Variants in PI16 observed in about 807,000 individuals in gnomAD.
PI16 encodes PSP94-binding protein.
In PI16, 35 loss-of-function variants were observed where a neutral mutation model predicts 38.0. The observed-to-expected ratio is 0.92, with a 90% CI of 0.70 to 1.22. PI16 has a LOEUF of 1.22. PI16 is among the 50% of genes most tolerant of loss of function. PI16 has a pLI of 0.00. For synonymous variants in PI16, 275 were observed against 252.9 expected, an observed-to-expected ratio of 1.09 and a Z score of -0.83; for missense variants, 572 against 593.8, an observed-to-expected ratio of 0.96 and a Z score of 0.38.
At chr6:36,960,029 A>G (rs1014137159) in intron 2 of PI16, among the ~76,000 whole-genome samples, 3 of 152,192 alleles carry the variant, frequency 2.0e-5, no homozygotes, top group Admixed American at 6.5e-5. Context: ...TCCCCCAGAT[A>G]GTGCAGAGCT....
chr6:36,954,554 G>T, upstream of PI16: 1 of 654,586 alleles, frequency 1.5e-6, no homozygotes, highest in Non-Finnish European at 2.4e-6. Context: ...GAGAAAGGAG[G>T]TTTTTGCCAA....
At chr6:36,960,014 T>C (rs78699313) in intron 2 of PI16, among the ~76,000 whole-genome samples, 8,211 of 152,200 alleles carry the variant, frequency 0.054, 738 homozygotes, top group African/African-American at 0.18. Flanking sequence ...TGATCCTGCC[T>C]CACTTCCCCC....
At chr6:36,954,226 C>A (rs151003368), upstream of PI16, among the ~76,000 whole-genome samples, 1 of 152,240 alleles carries the variant, frequency 6.6e-6, no homozygotes, top group Non-Finnish European at 1.5e-5. Flanking sequence ...ATTATTGTCA[C>A]TGATTCACTT....
intron 1 of PI16, among the ~76,000 whole-genome samples, chr6:36,955,692 C>T (rs1763185391): frequency 6.6e-6 from 1 of 152,102 alleles, no homozygotes; most frequent in Non-Finnish European, 1.5e-5. Flanking sequence ...AGTCTGAAAA[C>T]ATGTAAAAAT....
upstream of PI16, among the ~76,000 whole-genome samples, chr6:36,950,469 G>A (rs1367295230): frequency 1.3e-5 from 2 of 151,704 alleles, no homozygotes; most frequent in African/African-American, 4.8e-5. The surrounding 1 kb of genome is among the most constrained non-coding windows in gnomAD (Gnocchi z 4.2). Context: ...TGAACATTTG[G>A]GTTGTTTCCA....
intron 2 of PI16, among the ~76,000 whole-genome samples, chr6:36,960,283 T>G (rs912145295): frequency 2.0e-5 from 3 of 151,816 alleles, no homozygotes; most frequent in Non-Finnish European, 4.4e-5. Context: ...TGCTCCTGTC[T>G]GGGTTCTCAC....
Position 36,963,905 on chromosome 6 carries a change from A to G in PI16, c.1353A>G (p.Leu451=), listed in dbSNP as rs1479461780. The stretch of plus-strand genomic sequence containing the variant: ...ATGTGTGGGGCCCTCTCCTGGGACT[A>G]CTGCTCCTGCCTCCTCTGGTGTTGG... The part of the protein sequence containing the change: ...PGHVWGPLLG[L]LLLPPLVLAG... The change falls in exon 6 of 7, where the codon CTA becomes CTG. Residue 451 remains leucine, a synonymous_variant. Coordinates refer to ENST00000373674, the MANE Select transcript of PI16 (RefSeq NM_153370.3). 6.2e-7 allele frequency: 1 copy of G among 1,613,578 alleles called. No homozygotes were observed. Among genetic ancestry groups the G allele is most frequent in the Non-Finnish European group, 8.5e-7 (1 of 1,179,874 alleles).
rs1009257297 is a variant in PI16 at position 36,958,232 on chromosome 6, C to T, written c.172-913C>T. 4.6e-5 allele frequency among the ~76,000 whole-genome samples: 7 copies of T among 152,210 alleles called. No individual in the cohort carries two copies. The South Asian group carries it at 6.2e-4, about 14-fold the overall frequency. ...CCTCATAGGGTGGAGCAAGAGCTGC[C>T]GCCAGGCCATGGATTTCCAGGAGAA... On this transcript the variant is annotated intron_variant, in intron 1 of 6. Coordinates refer to ENST00000373674, the MANE Select transcript of PI16 (RefSeq NM_153370.3).
In PI16 at chr6:36,959,378, G is replaced by A; in HGVS notation, c.393+12G>A. 1 of 1,541,780 alleles carries A rather than the reference G, an allele frequency of 6.5e-7. No homozygotes were observed. Among genetic ancestry groups the A allele is most frequent in the Non-Finnish European group, 8.7e-7 (1 of 1,143,480 alleles). On this transcript the variant is annotated intron_variant, in intron 2 of 6. Transcript: ENST00000373674. ...GCCACTACACGCAGGTGTGGGCCCG[G>A]CGGGCGAGGCGGGGCGGAGCCTCGC...
In PI16 at chr6:36,961,907, G is replaced by A; in HGVS notation, c.525G>A (p.Arg175=). ...GTAGGGGGAACGTGAAGGGGAAACG[G>A]CCCTACCAGGAGGGGACTCCGTGCT... is the stretch of plus-strand genomic sequence containing the variant. The part of the protein sequence containing the change: ...YEPPGNVKGK[R]PYQEGTPCSQ... The change falls in exon 4 of 7, where the codon CGG becomes CGA. Residue 175 remains arginine (R), a synonymous_variant. Coordinates refer to ENST00000373674, the MANE Select transcript of PI16 (RefSeq NM_153370.3). 1.2e-6 allele frequency: 2 copies of A among 1,614,108 alleles called. No individual in the cohort carries two copies. The highest frequency in any genetic ancestry group is 8.5e-7 in the Non-Finnish European group (1 of 1,179,998).
At chr6:36,948,708 CTT>C (rs1405848066) in intron 1 of PI16, among the ~76,000 whole-genome samples, 1 of 128,884 alleles carries the variant, frequency 7.8e-6, no homozygotes, top group Non-Finnish European at 1.6e-5. Context: ...TACTGTCTCC[CTT>C]TCTCTCTCGC....
At chr6:36,953,142 C>A (rs1215174349), upstream of PI16, among the ~76,000 whole-genome samples, 1 of 152,034 alleles carries the variant, frequency 6.6e-6, no homozygotes, top group Admixed American at 6.6e-5. Context: ...CATGGTGAAA[C>A]CCCATCTCTA....
At chr6:36,959,027 A>G (rs551061769) in intron 1 of PI16, 118 bp from the exon 2 acceptor site, 3 of 899,012 alleles carry the variant, frequency 3.3e-6, no homozygotes, top group Admixed American at 2.5e-5. Flanking sequence ...GGCCATGCCC[A>G]AGAGTCACCC....
chr6:36,958,663 G>A (rs1763266894), intron 1 of PI16, among the ~76,000 whole-genome samples: 1 of 152,114 alleles, frequency 6.6e-6, no homozygotes, highest in Non-Finnish European at 1.5e-5. Context: ...GGGCTTAGAG[G>A]GAGAGGAAGG....
intron 1 of PI16, among the ~76,000 whole-genome samples, 193 bp downstream of exon 1, chr6:36,955,124 T>C (rs1763169850): frequency 6.6e-6 from 1 of 152,030 alleles, no homozygotes; most frequent in African/African-American, 2.4e-5. Flanking sequence ...ACAATTACTT[T>C]TGCACCCGCC....
upstream of PI16, among the ~76,000 whole-genome samples, chr6:36,953,095 G>A (rs1189022720): frequency 1.8e-4 from 27 of 152,052 alleles, no homozygotes; most frequent in Non-Finnish European, 1.6e-4. Flanking sequence ...CGAGGCGGGC[G>A]GATCACGAGG....
In PI16 at chr6:36,961,527, A is replaced by G. The variant is rs1390130870; in HGVS notation, c.470A>G (p.Asn157Ser). 6.2e-7 allele frequency: 1 copy of G among 1,614,088 alleles called. No individual in the cohort carries two copies. Among genetic ancestry groups the G allele is most frequent in the African/African-American group, 1.3e-5 (1 of 74,924 alleles). Residue 157 changes from asparagine (N) to serine (S), a missense_variant, in exon 3 of 7, where the codon AAC (asparagine) becomes AGC (serine). Asn to Ser is a conservative substitution (Grantham distance 46). Transcript: ENST00000373674. Reference sequence around the variant, plus strand: ...AAGCTCCAGGGTGTTGAGGAGACCAACATCGAATTACTGGTGTGCAACTAT... The same window carrying G: ...AAGCTCCAGGGTGTTGAGGAGACCAGCATCGAATTACTGGTGTGCAACTAT... Reference protein sequence around the residue: ...CEKLQGVEETNIELLVCNYEP... With the variant: ...CEKLQGVEETSIELLVCNYEP...
rs766022996 is a variant in PI16 at position 36,961,593 on chromosome 6, G to T, written c.503+33G>T. 23 of 1,595,950 alleles carry T rather than the reference G, an allele frequency of 1.4e-5. No homozygotes were observed. The Admixed American group carries it at 1.8e-4, about 13-fold the overall frequency. ...CCGGGGGGAACCCTGGAGATGGAGA[G>T]GGGGAAGGCACAGGCAGAGCCAAGG... On this transcript the variant is annotated intron_variant, in intron 3 of 6. Transcript: ENST00000373674.
At chr6:36,949,652 G>T (rs1296934156) in intron 1 of PI16, among the ~76,000 whole-genome samples, 2 of 152,036 alleles carry the variant, frequency 1.3e-5, no homozygotes, top group Admixed American at 6.6e-5. Flanking sequence ...GAATTCTTCC[G>T]ATTCTTTTCC....
Sources: allele counts gnomAD v4.1 joint callset (sites outside exome capture counted in the v4.1 genomes callset), GRCh38; gene constraint gnomAD v4.1.1; non-coding constraint Gnocchi (gnomAD v3.1); transcripts MANE v1.5; gene names NCBI Gene and HGNC (gene_info 2026-07-23, HGNC 2026-07-21).